The following STK24 variants were observed in gnomAD, a reference collection of about 807,000 sequenced individuals.
STK24 encodes serine/threonine kinase 24.
Under a neutral mutation model 55.6 loss-of-function variants are expected in STK24, and 21 were observed. The observed-to-expected ratio is 0.38, with a 90% CI of 0.27 to 0.54. The LOEUF is 0.54. Among genes scored for constraint, STK24 ranks in the 20% least tolerant of loss-of-function variants. STK24 has a pLI of 0.79. For synonymous variants in STK24, 200 were observed against 215.2 expected, an observed-to-expected ratio of 0.93 and a Z score of 0.62; for missense variants, 383 against 538.4, an observed-to-expected ratio of 0.71 and a Z score of 2.86.
intron 1 of STK24, among the ~76,000 whole-genome samples, chr13:98,552,704 G>A (rs956277375): frequency 6.6e-6 from 1 of 152,114 alleles, no homozygotes; most frequent in Non-Finnish European, 1.5e-5. Flanking sequence ...ACCAGCCACG[G>A]GGACCCAGGA....
intron 1 of STK24, among the ~76,000 whole-genome samples, chr13:98,529,200 G>A (rs533720796): frequency 3.2e-4 from 48 of 152,050 alleles, no homozygotes; most frequent in Admixed American, 2.0e-3. Context: ...GTGTTTCATC[G>A]TTAACAGTGT....
At chr13:98,521,363 G>A (rs1896254287) in intron 1 of STK24, among the ~76,000 whole-genome samples, 1 of 152,136 alleles carries the variant, frequency 6.6e-6, no homozygotes, top group South Asian at 2.1e-4. Flanking sequence ...AGGAAGCCTG[G>A]CTGTGTGTTT....
chr13:98,457,146 C>T, intron 10 of STK24, 22 bp downstream of exon 10: 1 of 1,605,396 alleles, frequency 6.2e-7, no homozygotes, highest in Non-Finnish European at 8.5e-7. Flanking sequence ...TTCCCCAGCC[C>T]AGAGGGGCCC....
At chr13:98,465,244 T>G (rs1266218877) in intron 6 of STK24, among the ~76,000 whole-genome samples, 1 of 152,208 alleles carries the variant, frequency 6.6e-6, no homozygotes, top group Non-Finnish European at 1.5e-5. Flanking sequence ...TTCAAACTCA[T>G]GAGAAACGTG....
Position 98,475,290 on chromosome 13 carries a change from A to G in STK24, c.399T>C (p.Asp133=), listed in dbSNP as rs1260360477. 1 of 1,613,822 alleles carries G rather than the reference A, an allele frequency of 6.2e-7. No individual in the cohort carries two copies. Among genetic ancestry groups the G allele is most frequent in the African/African-American group, 1.3e-5 (1 of 74,944 alleles). ...GGATTTTCTTCTCCGAATGGAGATA[A>G]TCGAGTCCTTTCAGTATTTCTCTTA... ...TILREILKGL[D]YLHSEKKIHR... Residue 133 remains aspartate, a synonymous_variant, in exon 4 of 11, where the codon GAT becomes GAC. Coordinates refer to ENST00000539966, the MANE Select transcript of STK24 (RefSeq NM_001032296.4).
intron 9 of STK24, among the ~76,000 whole-genome samples, chr13:98,460,122 C>G (rs1893637944): frequency 6.6e-6 from 1 of 152,338 alleles, no homozygotes; most frequent in African/African-American, 2.4e-5. Context: ...ACGGGTGACA[C>G]AGGGTCTCGG....
intron 1 of STK24, among the ~76,000 whole-genome samples, chr13:98,542,268 T>C (rs533838325): frequency 7.2e-5 from 11 of 152,214 alleles, no homozygotes; most frequent in Non-Finnish European, 1.3e-4. Flanking sequence ...AGCAACGTTT[T>C]GGAAGGTGTG....
chr13:98,542,323 TC>T (rs1234223781), intron 1 of STK24, among the ~76,000 whole-genome samples: 3 of 151,914 alleles, frequency 2.0e-5, no homozygotes, highest in Non-Finnish European at 4.4e-5. Context: ...TCCAGCCAAC[TC>T]TCTCGTCTGT....
At chr13:98,560,466 T>A (rs1594670657) in intron 1 of STK24, among the ~76,000 whole-genome samples, 1 of 152,212 alleles carries the variant, frequency 6.6e-6, no homozygotes, top group Admixed American at 6.5e-5. Context: ...GCAAATCTCC[T>A]TCTCATCTGA....
chr13:98,466,879 G>C (rs1456597090), intron 5 of STK24, among the ~76,000 whole-genome samples: 1 of 152,178 alleles, frequency 6.6e-6, no homozygotes, highest in African/African-American at 2.4e-5. Flanking sequence ...GAGCAGAGAG[G>C]AGGAGTCCGG....
chr13:98,533,680 G>A lies in STK24; in HGVS notation c.43-14207C>T, dbSNP rs189737091. On this transcript the variant is annotated intron_variant, in intron 1 of 10. Coordinates refer to ENST00000539966, the MANE Select transcript of STK24 (RefSeq NM_001032296.4). ...AAATAAAAAAGAAAAATATAAATTC[G>A]ATTTTTGAAAAGTATTAAAAATGAG... 2.4e-4 allele frequency among the ~76,000 whole-genome samples: 37 copies of A among 152,052 alleles called. 1 individual carries two copies. Among genetic ancestry groups the A allele is most frequent in the African/African-American group, 8.0e-4 (33 of 41,488 alleles).
In STK24 at chr13:98,448,406, C is replaced by T. The variant is rs980649801; in HGVS notation, c.*4767G>A. 2.8e-6 allele frequency: 3 copies of T among 1,079,424 alleles called. No homozygotes were observed. The African/African-American group carries it at 4.7e-5, about 17-fold the overall frequency. 66.9% of individuals were successfully genotyped at this position (1,079,424 alleles called of 1,614,324 possible). On this transcript the variant is annotated 3_prime_UTR_variant, in exon 11 of 11. Transcript: ENST00000539966. ...TAATGAAGCCTGGTAAAATTAACAC[C>T]TGTCTGAAAATCAAAAACATGGCTT...
At chr13:98,461,950 G>A (rs1421492671) in intron 7 of STK24, 53 bp from the exon 8 acceptor site, 11 of 1,602,208 alleles carry the variant, frequency 6.9e-6, no homozygotes, top group Non-Finnish European at 9.4e-6. Context: ...CTGCTCTGGG[G>A]GCGCTGGGAC....
rs398038978 is a variant in STK24 at position 98,503,024 on chromosome 13, G to GTTTTTTTTTTTTTTTTTTTTT, written c.273+16218_273+16219insAAAAAAAAAAAAAAAAAAAAA. Among the ~76,000 whole-genome samples, 12 of 107,056 alleles carry GTTTTTTTTTTTTTTTTTTTTT rather than the reference G, an allele frequency of 1.1e-4. 1 individual carries two copies. Among genetic ancestry groups the GTTTTTTTTTTTTTTTTTTTTT allele is most frequent in the African/African-American group, 4.4e-4 (11 of 25,024 alleles). The allele number at this position is 107,056 out of a possible 152,430, so 70.2% of individuals were successfully genotyped here. ...AATATATTAGAAATACTTTCCATGT[G>GTTTTTTTTTTTTTTTTTTTTT]TTTTTTTTTTTTTTTTTCAGTATGG... On this transcript the variant is annotated intron_variant, in intron 2 of 10. Transcript: ENST00000539966.
intron 1 of STK24, among the ~76,000 whole-genome samples, chr13:98,530,287 G>A (rs1172898577): frequency 1.3e-5 from 2 of 152,120 alleles, no homozygotes; most frequent in Non-Finnish European, 2.9e-5. Flanking sequence ...AAAACACCTG[G>A]AATACTTAAG....
rs1892823793 is a variant in STK24 at position 98,446,190 on chromosome 13, C to T, written c.*6983G>A. 6 of 1,611,766 alleles carry T rather than the reference C, an allele frequency of 3.7e-6. No individual in the cohort carries two copies. Among genetic ancestry groups the T allele is most frequent in the Non-Finnish European group, 4.2e-6 (5 of 1,178,048 alleles). The stretch of plus-strand genomic sequence containing the variant: ...TGTTCACAAACTTCTGCCTGTTCTT[C>T]TACAAATCACACCAGGTAAGTGTCT... On this transcript the variant is annotated 3_prime_UTR_variant, in exon 11 of 11. Coordinates refer to ENST00000539966, the MANE Select transcript of STK24 (RefSeq NM_001032296.4).
chr13:98,566,669 G>A (rs1897581216), intron 1 of STK24, among the ~76,000 whole-genome samples: 1 of 152,166 alleles, frequency 6.6e-6, no homozygotes, highest in Non-Finnish European at 1.5e-5. Context: ...TTATTTTCTA[G>A]ACTGACATAA....
intron 10 of STK24, 103 bp downstream of exon 10, chr13:98,457,065 C>T (rs2031237): frequency 0.21 from 295,700 of 1,398,502 alleles, 31,989 homozygotes; most frequent in African/African-American, 0.26. Context: ...TGCAAGATAA[C>T]AGGAACAGAC....
chr13:98,511,805 G>A (rs1407855182), intron 2 of STK24, among the ~76,000 whole-genome samples: 3 of 84,584 alleles, frequency 3.5e-5, no homozygotes, highest in African/African-American at 1.2e-4. Context: ...TTGGAACGTT[G>A]GCATTGTTCT....
Sources: gnomAD v4.1 joint callset for allele counts (sites outside exome capture counted in the v4.1 genomes callset) on GRCh38, gnomAD v4.1.1 for gene constraint, MANE v1.5 for transcripts, NCBI Gene and HGNC (gene_info 2026-07-23, HGNC 2026-07-21) for gene names.